Variants in SBNO2 observed in about 807,000 individuals in gnomAD.
SBNO2 encodes strawberry notch homolog 2.
SBNO2 carries 89 observed loss-of-function variants against 146.3 expected under a neutral mutation model. That is an observed-to-expected ratio of 0.61 (90% CI 0.51 to 0.73). The LOEUF (loss-of-function observed/expected upper bound fraction) is 0.73. SBNO2 is among the 30% of genes least tolerant of loss of function. The probability of loss-of-function intolerance (pLI) is 0.00; values close to 1 mark genes in which losing one functional copy is unlikely to be tolerated. For synonymous variants in SBNO2, 1,147 were observed against 892.6 expected, an observed-to-expected ratio of 1.29 and a Z score of -5.08; for missense variants, 2,092 against 2,003.7, an observed-to-expected ratio of 1.04 and a Z score of -0.84.
At chr19:1,161,316 G>A (rs1335808304) in intron 1 of SBNO2, among the ~76,000 whole-genome samples, 1 of 36,910 alleles carries the variant, frequency 2.7e-5, no homozygotes, top group Non-Finnish European at 5.9e-5. Flanking sequence ...AGGGGTGCCT[G>A]AGTACTGGGG....
chr19:1,141,093 A>ACAC (rs2080132542), intron 4 of SBNO2, among the ~76,000 whole-genome samples: 1 of 151,852 alleles, frequency 6.6e-6, no homozygotes, highest in African/African-American at 2.4e-5. Context: ...ACTCCGGAGA[A>ACAC]GACGCGCCCC....
intron 17 of SBNO2, 199 bp downstream of exon 17, chr19:1,115,822 C>A: frequency 3.3e-6 from 2 of 609,648 alleles, no homozygotes; most frequent in East Asian, 5.7e-5. Flanking sequence ...CTGTTGCTTC[C>A]TCTTCCCTAA....
chr19:1,172,398 A>G (rs1599894475), intron 1 of SBNO2, among the ~76,000 whole-genome samples: 1 of 152,080 alleles, frequency 6.6e-6, no homozygotes, highest in South Asian at 2.1e-4. Flanking sequence ...GACCAGGGTC[A>G]CCCCTGGGAA....
At chr19:1,169,399 G>A (rs527970840) in intron 1 of SBNO2, among the ~76,000 whole-genome samples, 2 of 152,334 alleles carry the variant, frequency 1.3e-5, no homozygotes, top group African/African-American at 2.4e-5. Context: ...GAGCTCTCAC[G>A]GGGCCTCCGC....
intron 1 of SBNO2, among the ~76,000 whole-genome samples, chr19:1,164,265 G>A (rs1479279284): frequency 6.6e-6 from 1 of 152,198 alleles, no homozygotes; most frequent in Non-Finnish European, 1.5e-5. Flanking sequence ...TTGAGCGGGT[G>A]GCCGAACTGA....
chr19:1,154,085 A>C (rs2080266534), intron 2 of SBNO2, 99 bp downstream of exon 2: 1 of 533,436 alleles, frequency 1.9e-6, no homozygotes, highest in Non-Finnish European at 2.8e-6. Flanking sequence ...CGCCGCGTCC[A>C]CTGGGGCAGC....
intron 1 of SBNO2, chr19:1,168,706 G>T (rs1219270770): frequency 1.3e-5 from 2 of 152,280 alleles, no homozygotes; most frequent in African/African-American, 2.4e-5. Context: ...GACATGCAAA[G>T]GAAGACGCCT....
rs1053767709 is a variant in SBNO2 at position 1,108,188 on chromosome 19, G to T, written c.*32C>A. The T allele has an allele frequency of 6.6e-7, 1 of 1,512,638 alleles. No individual in the cohort carries two copies. Among genetic ancestry groups the T allele is most frequent in the Admixed American group, 2.1e-5 (1 of 48,350 alleles). The allele number at this position is 1,512,638 out of a possible 1,614,324, so 93.7% of individuals were successfully genotyped here. Reference sequence around the variant, plus strand: ...TGCTCCTAGGGGAGAAACGGTCCCTGTGTCTTGGGGCATGTTTCGCCTAAA... The same window carrying T: ...TGCTCCTAGGGGAGAAACGGTCCCTTTGTCTTGGGGCATGTTTCGCCTAAA... On this transcript the variant is annotated 3_prime_UTR_variant, in exon 32 of 32. Coordinates refer to ENST00000361757, the MANE Select transcript of SBNO2 (RefSeq NM_014963.3).
intron 15 of SBNO2, 70 bp from the exon 16 acceptor site, chr19:1,116,996 G>T: frequency 7.1e-7 from 1 of 1,401,536 alleles, no homozygotes; most frequent in Non-Finnish European, 9.7e-7. Flanking sequence ...GAACCTGCCA[G>T]GCCTGGGGTG....
chr19:1,113,478 G>T, intron 19 of SBNO2, 57 bp downstream of exon 19: 1 of 1,420,926 alleles, frequency 7.0e-7, no homozygotes, highest in Non-Finnish European at 9.6e-7. Flanking sequence ...CCTGCGTGAA[G>T]CCCCACCCAC....
At chr19:1,131,961 C>A (rs886465315) in intron 4 of SBNO2, 7 of 577,934 alleles carry the variant, frequency 1.2e-5, no homozygotes, top group African/African-American at 4.0e-5. Flanking sequence ...TTTTTTAGAT[C>A]CTGGCGGCCT....
At chr19:1,122,441 C>G in intron 10 of SBNO2, 27 bp downstream of exon 10, 1 of 1,556,662 alleles carries the variant, frequency 6.4e-7, no homozygotes, top group African/African-American at 1.4e-5. Context: ...CCACCTTGCC[C>G]CCTACTTTGC....
intron 4 of SBNO2, among the ~76,000 whole-genome samples, chr19:1,133,309 AAAG>A (rs2080052406): frequency 6.6e-6 from 1 of 152,048 alleles, no homozygotes; most frequent in Non-Finnish European, 1.5e-5. Context: ...GGGCCCTGGG[AAAG>A]AAGGAAACCG....
chr19:1,149,660 C>G (rs938518357), intron 2 of SBNO2, among the ~76,000 whole-genome samples: 7 of 152,204 alleles, frequency 4.6e-5, no homozygotes, highest in African/African-American at 1.4e-4. Context: ...GTGGTGTGGT[C>G]TGAAGGCACT....
chr19:1,111,103 G>A lies in SBNO2; in HGVS notation c.2810-10C>T, dbSNP rs772546100. On this transcript the variant is annotated splice_polypyrimidine_tract_variant and intron_variant, in intron 24 of 31. Coordinates refer to ENST00000361757, the MANE Select transcript of SBNO2 (RefSeq NM_014963.3). ...AGGCCCTGCTTCATGTCTGCGGGGAGAGGGGCCTCACATGCTGGTCTTCCC... is the reference window on the plus strand; with the variant it reads ...AGGCCCTGCTTCATGTCTGCGGGGAAAGGGGCCTCACATGCTGGTCTTCCC... 1.9e-6 allele frequency: 3 copies of A among 1,544,788 alleles called. No homozygotes were observed. Among genetic ancestry groups the A allele is most frequent in the Non-Finnish European group, 2.6e-6 (3 of 1,147,116 alleles).
chr19:1,134,395 G>A (rs757158087), intron 4 of SBNO2, among the ~76,000 whole-genome samples: 6 of 151,916 alleles, frequency 3.9e-5, no homozygotes, highest in East Asian at 3.9e-4. Flanking sequence ...CTCCTGCAGC[G>A]CAGTCACCAC....
intron 1 of SBNO2, chr19:1,168,766 G>A (rs527688331): frequency 6.6e-6 from 1 of 152,354 alleles, no homozygotes; most frequent in African/African-American, 2.4e-5. Context: ...GGCCATGGCG[G>A]GCAGGGACTT....
chr19:1,161,619 C>G (rs2080346095), intron 1 of SBNO2, among the ~76,000 whole-genome samples: 1 of 151,624 alleles, frequency 6.6e-6, no homozygotes, highest in Non-Finnish European at 1.5e-5. Flanking sequence ...AGCTTTACCT[C>G]TTGGGCCCGA....
chr19:1,155,934 C>T (rs2080286252), intron 1 of SBNO2, among the ~76,000 whole-genome samples: 1 of 152,218 alleles, frequency 6.6e-6, no homozygotes, highest in Non-Finnish European at 1.5e-5. Flanking sequence ...ACGGCAGCCA[C>T]AGCCCCAGAG....
Sources: gnomAD v4.1 joint callset for allele counts (sites outside exome capture counted in the v4.1 genomes callset) on GRCh38, gnomAD v4.1.1 for gene constraint, MANE v1.5 for transcripts, NCBI Gene and HGNC (gene_info 2026-07-23, HGNC 2026-07-21) for gene names.